CEP126: variants seen among roughly 807,000 people sequenced by gnomAD.
The protein encoded by CEP126 is centrosomal protein of 126 kDa.
CEP126 carries 74 observed loss-of-function variants against 107.8 expected under a neutral mutation model. That is an observed-to-expected ratio of 0.69 (90% CI 0.57 to 0.83). The LOEUF (loss-of-function observed/expected upper bound fraction) is 0.83. Among genes scored for constraint, CEP126 ranks in the 40% least tolerant of loss-of-function variants. The pLI is 0.00. For missense variants in CEP126, 1,237 were observed against 1,281.9 expected, an observed-to-expected ratio of 0.96 and a Z score of 0.53; for synonymous variants, 449 against 446.0, an observed-to-expected ratio of 1.01 and a Z score of -0.08.
At chr11:101,995,946 T>C (rs1224057373) in intron 10 of CEP126, among the ~76,000 whole-genome samples, 1 of 152,214 alleles carries the variant, frequency 6.6e-6, no homozygotes, top group Non-Finnish European at 1.5e-5. Flanking sequence ...ATAGCCAACT[T>C]TGCTAAGGCT....
intron 3 of CEP126, among the ~76,000 whole-genome samples, chr11:101,946,857 CA>C (rs910388078): frequency 5.5e-4 from 82 of 149,790 alleles, no homozygotes; most frequent in African/African-American, 1.7e-3. Flanking sequence ...GCAAGACTCT[CA>C]AAAAAAAATG....
Position 101,999,481 on chromosome 11 carries a change from AAT to A in CEP126, c.*1840_*1841del, listed in dbSNP as rs1454188199. The A allele has an allele frequency of 2.8e-5, 3 of 105,546 alleles. No individual in the cohort carries two copies. Among genetic ancestry groups the A allele is most frequent in the African/African-American group, 1.1e-4 (3 of 28,144 alleles). The allele number at this position is 105,546 out of a possible 1,614,324, so 6.5% of individuals were successfully genotyped here. ...GAAAATAGTTAAGATCCAAAGTCAGAATAGGCCAAAAAAAAAAAAAAAAAAAG... is the reference window on the plus strand; with the variant it reads ...GAAAATAGTTAAGATCCAAAGTCAGAAGGCCAAAAAAAAAAAAAAAAAAAG... On this transcript the variant is annotated 3_prime_UTR_variant, in exon 11 of 11. Coordinates refer to ENST00000263468, the MANE Select transcript of CEP126 (RefSeq NM_020802.4).
chr11:101,953,099 C>A (rs531741972), intron 4 of CEP126, among the ~76,000 whole-genome samples: 2 of 152,170 alleles, frequency 1.3e-5, no homozygotes, highest in South Asian at 2.1e-4. Context: ...GGATAAGACG[C>A]CCCATGTTCT....
intron 6 of CEP126, among the ~76,000 whole-genome samples, chr11:101,970,037 G>A (rs1218511790): frequency 1.3e-5 from 2 of 152,074 alleles, no homozygotes; most frequent in South Asian, 2.1e-4. Context: ...TACTTTAAAA[G>A]AACAAACCAC....
rs971434053 is a variant in CEP126, at chr11:101,999,204, T to A, written c.*1561T>A. 6.6e-6 allele frequency: 1 copy of A among 151,984 alleles called. No homozygotes were observed. Among genetic ancestry groups the A allele is most frequent in the Non-Finnish European group, 1.5e-5 (1 of 68,010 alleles). The allele number at this position is 151,984 out of a possible 1,614,324, so 9.4% of individuals were successfully genotyped here. On this transcript the variant is annotated 3_prime_UTR_variant, in exon 11 of 11. Transcript: ENST00000263468. ...AAAAATTCTGTGAATTAAGATGTAA[T>A]TTATAAAATAACATTTCAATGGGGG...
Position 101,958,427 on chromosome 11 carries a change from T to C in CEP126, c.705+61T>C, listed in dbSNP as rs575932675. The C allele has an allele frequency of 3.5e-6, 5 of 1,419,648 alleles. No individual in the cohort carries two copies. In the African/African-American group the frequency reaches 5.7e-5, roughly 16 times the overall value. The allele number at this position is 1,419,648 out of a possible 1,614,324, so 87.9% of individuals were successfully genotyped here. A position where few individuals can be genotyped will look rare whatever the true frequency, so the allele number is the denominator to read the frequency against. On this transcript the variant is annotated intron_variant, in intron 5 of 10. Coordinates refer to ENST00000263468, the MANE Select transcript of CEP126 (RefSeq NM_020802.4). ...TCCTTGCACTAATTTTGCTCCACTT[T>C]TGCAGTGTTCTCCACTAAAGAAATA... is the stretch of plus-strand genomic sequence containing the variant.
chr11:101,933,578 T>TA (rs1374108890), intron 2 of CEP126, among the ~76,000 whole-genome samples: 1 of 152,144 alleles, frequency 6.6e-6, no homozygotes, highest in Non-Finnish European at 1.5e-5. Context: ...ACTTAGCACT[T>TA]ACAGTGCCTG....
At chr11:101,987,173 A>AAT (rs1941326456) in intron 9 of CEP126, 132 bp downstream of exon 9, 1 of 618,898 alleles carries the variant, frequency 1.6e-6, no homozygotes, top group Non-Finnish European at 2.8e-6. Flanking sequence ...TGAGTGCATA[A>AAT]CCATTCAGAC....
chr11:101,980,197 A>G (rs919320200), intron 7 of CEP126, among the ~76,000 whole-genome samples: 1 of 152,224 alleles, frequency 6.6e-6, no homozygotes, highest in Non-Finnish European at 1.5e-5. Context: ...AATTATAGAT[A>G]TAACTTCCTG....
chr11:101,964,361 G>A (rs374173938), intron 6 of CEP126, among the ~76,000 whole-genome samples: 3 of 144,154 alleles, frequency 2.1e-5, no homozygotes, highest in Admixed American at 6.9e-5. Flanking sequence ...GGCCAGGCAC[G>A]GTGGCTCATG....
intron 3 of CEP126, among the ~76,000 whole-genome samples, chr11:101,947,156 G>A (rs1940747840): frequency 2.0e-5 from 3 of 152,096 alleles, no homozygotes; most frequent in Admixed American, 6.5e-5. Context: ...TAATGGAAAA[G>A]TTTGATGACA....
At chr11:101,954,020 T>TTTTG (rs59197385) in intron 4 of CEP126, among the ~76,000 whole-genome samples, 17,991 of 149,520 alleles carry the variant, frequency 0.12, 1,580 homozygotes, top group East Asian at 0.28. Context: ...TATTTTCCTT[T>TTTTG]TTTGTTTGTT....
At position 101,957,788 on chromosome 11, in the gene CEP126, G is replaced by T. The variant is rs141293127; in HGVS notation, c.507-380G>T. Among the ~76,000 whole-genome samples, 531 of 152,232 alleles carry T rather than the reference G, an allele frequency of 3.5e-3. 3 individuals are homozygous for T. Among genetic ancestry groups the T allele is most frequent in the African/African-American group, 0.012 (504 of 41,536 alleles). ...ACCTACTAGCCATGACATCAACTCA[G>T]AAAGAAGGGTAATGCAGTATATTAT... On this transcript the variant is annotated intron_variant, in intron 4 of 10. Transcript: ENST00000263468.
rs548950984 is a variant in CEP126, at chr11:101,962,401, T to C, written c.1366T>C (p.Cys456Arg). The change falls in exon 6 of 11, where the codon TGT (cysteine) becomes CGT (arginine). Residue 456 changes from cysteine (C) to arginine (R), a missense_variant. Coordinates refer to ENST00000263468, the MANE Select transcript of CEP126 (RefSeq NM_020802.4). Reference protein sequence around the residue: ...ENGTTSIPTSCVPVATPLVLP... With the variant: ...ENGTTSIPTSRVPVATPLVLP... ...TGGAACTACTTCAATTCCTACTTCATGTGTACCAGTGGCAACGCCTTTAGT... is the reference window on the plus strand; with the variant it reads ...TGGAACTACTTCAATTCCTACTTCACGTGTACCAGTGGCAACGCCTTTAGT... 27 of 1,613,950 alleles carry C rather than the reference T, an allele frequency of 1.7e-5. No homozygotes were observed. The highest frequency in any genetic ancestry group is 1.6e-4 in the East Asian group (7 of 44,872).
At chr11:101,986,549 C>G (rs1051367896) in intron 8 of CEP126, among the ~76,000 whole-genome samples, 3 of 152,048 alleles carry the variant, frequency 2.0e-5, no homozygotes, top group African/African-American at 7.2e-5. Flanking sequence ...CAAAAACTAT[C>G]TGCATTATAT....
rs1029911977 is a variant in CEP126, at chr11:101,998,649, A to G, written c.*1006A>G. ...ATTAGAAATTAAGAGTTTTAAGAAA[A>G]CATGTGGCCTTTTATTAATAACACT... On this transcript the variant is annotated 3_prime_UTR_variant, in exon 11 of 11. Transcript: ENST00000263468. 2.6e-4 allele frequency: 39 copies of G among 149,788 alleles called. No individual in the cohort carries two copies. The highest frequency in any genetic ancestry group is 9.1e-4 in the African/African-American group (37 of 40,620). The allele number at this position is 149,788 out of a possible 1,614,324, so 9.3% of individuals were successfully genotyped here. A position where few individuals can be genotyped will look rare whatever the true frequency, so the allele number is the denominator to read the frequency against.
intron 6 of CEP126, among the ~76,000 whole-genome samples, chr11:101,964,552 C>T (rs1045447508): frequency 5.3e-5 from 8 of 151,836 alleles, no homozygotes; most frequent in Non-Finnish European, 1.2e-4. Context: ...ATTGCTTGAA[C>T]CCAGAGCCCA....
intron 4 of CEP126, chr11:101,956,513 C>T: frequency 2.2e-6 from 1 of 456,564 alleles, no homozygotes. Context: ...ATCTCCCTGT[C>T]ATTCTCCATC....
At chr11:101,942,284 T>C (rs1441997210) in intron 2 of CEP126, among the ~76,000 whole-genome samples, 1 of 152,118 alleles carries the variant, frequency 6.6e-6, no homozygotes, top group Non-Finnish European at 1.5e-5. Context: ...TTGATCCACT[T>C]TGGGGTAATT....
Sources: gnomAD v4.1 joint callset for allele counts (sites outside exome capture counted in the v4.1 genomes callset) on GRCh38, gnomAD v4.1.1 for gene constraint, MANE v1.5 for transcripts, NCBI Gene and HGNC (gene_info 2026-07-23, HGNC 2026-07-21) for gene names.